Variants in DLGAP2 observed in about 807,000 individuals in gnomAD.
DLGAP2 encodes DLG associated protein 2.
DLGAP2 carries 26 observed loss-of-function variants against 100.3 expected under a neutral mutation model. The ratio of observed to expected loss-of-function variants is 0.26; its 90% CI spans 0.19 to 0.36. The LOEUF is 0.36. Among genes scored for constraint, DLGAP2 ranks in the 10% least tolerant of loss-of-function variants. The pLI, the probability that DLGAP2 is intolerant of heterozygous loss-of-function variation, is 1.00. For missense variants in DLGAP2, 1,858 were observed against 1,453.2 expected (o/e 1.28, Z -4.53); for synonymous variants, 886 against 630.1 (o/e 1.41, Z -6.08).
chr8:1,232,565 T>G (rs1798559410), intron 2 of DLGAP2, among the ~76,000 whole-genome samples: 1 of 152,250 alleles, frequency 6.6e-6, no homozygotes, highest in East Asian at 1.9e-4. Context: ...GGGCTGTGGC[T>G]GTTTGGGAAC....
At chr8:1,357,728 C>G (rs1484251163) in intron 3 of DLGAP2, among the ~76,000 whole-genome samples, 4 of 152,212 alleles carry the variant, frequency 2.6e-5, no homozygotes, top group Non-Finnish European at 4.4e-5. Context: ...CAGCACCACA[C>G]CAGAAGCCTC....
chr8:1,124,864 C>G (rs1256680571), intron 2 of DLGAP2, among the ~76,000 whole-genome samples: 1 of 152,176 alleles, frequency 6.6e-6, no homozygotes, highest in African/African-American at 2.4e-5. Context: ...ACCCCAGGCT[C>G]TGGGTTTCAG....
intron 3 of DLGAP2, among the ~76,000 whole-genome samples, chr8:1,331,115 A>G (rs1801148529): frequency 6.6e-6 from 1 of 152,168 alleles, no homozygotes; most frequent in Non-Finnish European, 1.5e-5. Context: ...GTACTCATGC[A>G]CGCTTTCTTT....
chr8:777,970 A>C (rs967015233), intron 1 of DLGAP2, among the ~76,000 whole-genome samples: 1 of 152,068 alleles, frequency 6.6e-6, no homozygotes, highest in Non-Finnish European at 1.5e-5. Flanking sequence ...CATTCTCCCC[A>C]TCACTTTCAG....
At chr8:1,558,795 A>G (rs1481708528) in intron 5 of DLGAP2, among the ~76,000 whole-genome samples, 1 of 150,780 alleles carries the variant, frequency 6.6e-6, no homozygotes, top group Non-Finnish European at 1.5e-5. Flanking sequence ...CGCACATTAC[A>G]CATACACACA....
At chr8:1,257,795 C>T (rs1026026276) in intron 2 of DLGAP2, among the ~76,000 whole-genome samples, 2 of 152,220 alleles carry the variant, frequency 1.3e-5, no homozygotes, top group African/African-American at 4.8e-5. Context: ...CCAGTGCTGT[C>T]CCTGCAGTCT....
At chr8:1,533,919 C>T (rs1801070262) in intron 4 of DLGAP2, among the ~76,000 whole-genome samples, 1 of 152,180 alleles carries the variant, frequency 6.6e-6, no homozygotes, top group East Asian at 1.9e-4. Context: ...CACACCACTG[C>T]ACTCCAGACT....
chr8:845,973 G>A (rs368059629), intron 1 of DLGAP2, among the ~76,000 whole-genome samples: 3 of 152,304 alleles, frequency 2.0e-5, no homozygotes, highest in Admixed American at 6.5e-5. Flanking sequence ...GTCCAGAGAC[G>A]TATGAGTTTC....
intron 1 of DLGAP2, among the ~76,000 whole-genome samples, chr8:894,183 G>A (rs1333815090): frequency 2.0e-5 from 3 of 152,198 alleles, no homozygotes; most frequent in Non-Finnish European, 4.4e-5. Context: ...TTGGGTGGGA[G>A]ACGCCCCCAG....
rs1488739667 is a variant in DLGAP2, at chr8:801,818, C to T, written c.18+63993C>T. 2.6e-5 allele frequency among the ~76,000 whole-genome samples: 4 copies of T among 152,154 alleles called. No individual in the cohort carries two copies. The East Asian group carries it at 5.8e-4, about 22-fold the overall frequency. On this transcript the variant is annotated intron_variant, in intron 1 of 14. Transcript: ENST00000637795. ...ACAGATGGTCCCTGCTCGGGGATGG[C>T]TCACTGCCCTTGCTCGCCACCCAGG...
At chr8:759,331 G>T (rs1406056281) in intron 1 of DLGAP2, among the ~76,000 whole-genome samples, 1 of 148,188 alleles carries the variant, frequency 6.7e-6, no homozygotes, top group African/African-American at 2.6e-5. Context: ...CCTGAGTGGT[G>T]TGTCTGCCAC....
chr8:1,039,077 A>G (rs1385646333), intron 2 of DLGAP2, among the ~76,000 whole-genome samples: 1 of 152,332 alleles, frequency 6.6e-6, no homozygotes, highest in East Asian at 1.9e-4. Flanking sequence ...TATAAAATGG[A>G]AACAATCACC....
intron 3 of DLGAP2, among the ~76,000 whole-genome samples, chr8:1,309,866 G>T (rs547295721): frequency 2.0e-5 from 3 of 152,152 alleles, no homozygotes; most frequent in Admixed American, 6.5e-5. Context: ...AGGCCAAGGC[G>T]GGCAGATTTC....
intron 1 of DLGAP2, among the ~76,000 whole-genome samples, chr8:802,993 C>A (rs974020854): frequency 6.6e-6 from 1 of 152,206 alleles, no homozygotes; most frequent in African/African-American, 2.4e-5. Context: ...GTAGGCATTT[C>A]TTGGGACCTT....
chr8:1,612,474 G>C (rs1007011278), intron 6 of DLGAP2, among the ~76,000 whole-genome samples: 8 of 143,914 alleles, frequency 5.6e-5, no homozygotes, highest in African/African-American at 2.1e-4. Flanking sequence ...TCAGGACATA[G>C]GCATGGGCAA....
chr8:1,677,147 A>G (rs1798830156), intron 11 of DLGAP2, among the ~76,000 whole-genome samples: 1 of 152,222 alleles, frequency 6.6e-6, no homozygotes, highest in Non-Finnish European at 1.5e-5. Context: ...CATAAAAACA[A>G]ATTTTGATGA....
intron 3 of DLGAP2, among the ~76,000 whole-genome samples, chr8:1,441,896 T>C (rs535649610): frequency 3.9e-5 from 6 of 152,108 alleles, no homozygotes; most frequent in African/African-American, 1.2e-4. Context: ...CCTATCAATG[T>C]GGTCCATATA....
At chr8:1,268,656 A>G (rs1010267976) in intron 3 of DLGAP2, among the ~76,000 whole-genome samples, 1 of 152,240 alleles carries the variant, frequency 6.6e-6, no homozygotes, top group Admixed American at 6.5e-5. Context: ...AGCTCCAGGA[A>G]TACAAAGATG....
At position 897,687 on chromosome 8, in the gene DLGAP2, G is replaced by GCCCCTC. The variant is rs1563085049; in HGVS notation, c.19-10215_19-10210dup. 5.5e-5 allele frequency among the ~76,000 whole-genome samples: 8 copies of GCCCCTC among 146,012 alleles called. No individual in the cohort carries two copies. The South Asian group carries it at 1.5e-3, about 27-fold the overall frequency. On this transcript the variant is annotated intron_variant, in intron 1 of 14. Coordinates refer to ENST00000637795, the MANE Select transcript of DLGAP2 (RefSeq NM_001346810.2). Reference sequence around the variant, plus strand: ...CTGCCCCGGCAGCCGCTCTCCTCCCGCCCCTCCCCCTCCCCACGGGCTCAC... The same window carrying GCCCCTC: ...CTGCCCCGGCAGCCGCTCTCCTCCCGCCCCTCCCCCTCCCCCTCCCCACGGGCTCAC...
Sources: allele counts gnomAD v4.1 joint callset (sites outside exome capture counted in the v4.1 genomes callset), GRCh38; gene constraint gnomAD v4.1.1; transcripts MANE v1.5; gene names NCBI Gene and HGNC (gene_info 2026-07-23, HGNC 2026-07-21).